Variants in DPYD observed in about 807,000 individuals in gnomAD.
The protein encoded by DPYD is dihydropyrimidine dehydrogenase, also known as dihydropyrimidine dehydrogenase [NADP(+)].
Under a neutral mutation model 116.2 loss-of-function variants are expected in DPYD, and 109 were observed. The ratio of observed to expected loss-of-function variants is 0.94; its 90% confidence interval spans 0.80 to 1.10. The LOEUF is 1.10. Ranked by LOEUF, DPYD falls within the 50% of genes least tolerant of loss-of-function variation. The probability of loss-of-function intolerance (pLI) is 0.00; values close to 1 mark genes in which losing one functional copy is unlikely to be tolerated. For missense variants in DPYD, 1,302 were observed against 1,254.5 expected, an observed-to-expected ratio of 1.04 and a Z score of -0.57; for synonymous variants, 440 against 432.0, an observed-to-expected ratio of 1.02 and a Z score of -0.23.
At chr1:97,328,693 G>T (rs1463970074) in intron 16 of DPYD, among the ~76,000 whole-genome samples, 1 of 151,988 alleles carries the variant, frequency 6.6e-6, no homozygotes, top group Non-Finnish European at 1.5e-5. Flanking sequence ...AGTTAGAAAA[G>T]ATAACAGAAC....
intron 16 of DPYD, among the ~76,000 whole-genome samples, chr1:97,347,540 C>T (rs1344136639): frequency 2.0e-5 from 3 of 151,968 alleles, no homozygotes; most frequent in Admixed American, 2.0e-4. Flanking sequence ...TGCATGTTAA[C>T]ATTTTGTTTC....
chr1:97,913,974 A>T (rs1362494608), intron 1 of DPYD, among the ~76,000 whole-genome samples: 1 of 152,066 alleles, frequency 6.6e-6, no homozygotes, highest in African/African-American at 2.4e-5. Flanking sequence ...TTATTGATGA[A>T]GAGATTTTTC....
At chr1:97,434,921 T>G (rs1259575154) in intron 14 of DPYD, among the ~76,000 whole-genome samples, 1 of 152,090 alleles carries the variant, frequency 6.6e-6, no homozygotes, top group South Asian at 2.1e-4. Context: ...ATCAGGATGA[T>G]ATTCATATCT....
intron 18 of DPYD, among the ~76,000 whole-genome samples, chr1:97,240,116 T>C (rs1424081782): frequency 2.0e-5 from 3 of 152,036 alleles, no homozygotes; most frequent in African/African-American, 7.2e-5. Flanking sequence ...AAGAGGACCA[T>C]ACATGTCCCC....
chr1:97,829,848 G>A lies in DPYD; in HGVS notation c.151-1652C>T, dbSNP rs567562547. Reference sequence around the variant, plus strand: ...TGTGCCATGTTGGCTTGCTGCACCCGTCAGCTCGTCATTTACATTAGGTAT... The same window carrying A: ...TGTGCCATGTTGGCTTGCTGCACCCATCAGCTCGTCATTTACATTAGGTAT... On this transcript the variant is annotated intron_variant, in intron 2 of 22. Coordinates refer to ENST00000370192, the MANE Select transcript of DPYD (RefSeq NM_000110.4). 2.4e-4 allele frequency among the ~76,000 whole-genome samples: 37 copies of A among 151,630 alleles called. No individual in the cohort carries two copies. The South Asian group carries it at 6.7e-3, about 27-fold the overall frequency.
At chr1:97,141,003 T>C (rs769347416) in intron 20 of DPYD, among the ~76,000 whole-genome samples, 1 of 152,178 alleles carries the variant, frequency 6.6e-6, no homozygotes, top group Non-Finnish European at 1.5e-5. Context: ...GAGTGGATCA[T>C]ACGTCTAATA....
intron 13 of DPYD, among the ~76,000 whole-genome samples, chr1:97,473,995 AAC>A (rs1405751695): frequency 6.7e-6 from 1 of 150,248 alleles, no homozygotes; most frequent in Non-Finnish European, 1.5e-5. Context: ...CTGCCTGGGC[AAC>A]AGAGTGAGAA....
intron 16 of DPYD, among the ~76,000 whole-genome samples, chr1:97,345,760 T>G (rs1222153643): frequency 6.6e-6 from 1 of 151,926 alleles, no homozygotes; most frequent in Non-Finnish European, 1.5e-5. Context: ...GTCACTTGCT[T>G]TATATGATAA....
chr1:97,546,937 G>C, intron 12 of DPYD: 2 of 1,607,330 alleles, frequency 1.2e-6, no homozygotes, highest in Non-Finnish European at 1.7e-6. Context: ...TGAGGAAGAA[G>C]AGGAGGAAGA....
In DPYD at chr1:97,282,648, A is replaced by G. The variant is rs186785771; in HGVS notation, c.2299+22611T>C. ...GTTACATGTATAAATTGCATGTTGCATGGGTTTGGTGTATAGAGAATTTTG... is the reference window on the plus strand; with the variant it reads ...GTTACATGTATAAATTGCATGTTGCGTGGGTTTGGTGTATAGAGAATTTTG... On this transcript the variant is annotated intron_variant, in intron 18 of 22. Transcript: ENST00000370192. Among the ~76,000 whole-genome samples, 10 of 152,182 alleles carry G rather than the reference A, an allele frequency of 6.6e-5. 1 individual carries two copies. In the East Asian group the frequency reaches 1.9e-3, roughly 29 times the overall value.
chr1:97,308,195 T>C (rs1570477941), intron 16 of DPYD, among the ~76,000 whole-genome samples: 1 of 151,810 alleles, frequency 6.6e-6, no homozygotes, highest in African/African-American at 2.4e-5. Flanking sequence ...CTCTTACCCA[T>C]TGCTTAATGA....
intron 5 of DPYD, among the ~76,000 whole-genome samples, chr1:97,705,256 A>G (rs1415988970): frequency 6.6e-6 from 1 of 151,934 alleles, no homozygotes; most frequent in Non-Finnish European, 1.5e-5. Context: ...AGCATTAGGT[A>G]TATCTCCTAA....
chr1:97,689,756 T>C (rs1302568953), intron 7 of DPYD, among the ~76,000 whole-genome samples: 1 of 152,080 alleles, frequency 6.6e-6, no homozygotes, highest in Non-Finnish European at 1.5e-5. Context: ...TGTCAAAATG[T>C]ACCCACTTAT....
intron 21 of DPYD, among the ~76,000 whole-genome samples, chr1:97,091,315 A>G (rs1459429562): frequency 2.0e-5 from 3 of 152,204 alleles, no homozygotes; most frequent in Non-Finnish European, 4.4e-5. Flanking sequence ...ATGGGTGGAC[A>G]GAGAAAATAT....
At chr1:97,188,836 T>C (rs1458626870) in intron 20 of DPYD, among the ~76,000 whole-genome samples, 1 of 152,202 alleles carries the variant, frequency 6.6e-6, no homozygotes, top group Non-Finnish European at 1.5e-5. Context: ...AGGCATATTT[T>C]GCCAAGTCAA....
intron 18 of DPYD, among the ~76,000 whole-genome samples, chr1:97,280,819 A>G (rs1570416279): frequency 6.6e-6 from 1 of 152,160 alleles, no homozygotes; most frequent in African/African-American, 2.4e-5. Flanking sequence ...CTGTTGTTTC[A>G]TTACACAGTA....
At chr1:97,804,210 T>G (rs968086636) in intron 3 of DPYD, among the ~76,000 whole-genome samples, 2 of 151,764 alleles carry the variant, frequency 1.3e-5, no homozygotes, top group Non-Finnish European at 3.0e-5. Context: ...GGATATAATA[T>G]TCAATTTAGA....
chr1:97,281,677 A>G (rs936429681), intron 18 of DPYD, among the ~76,000 whole-genome samples: 1 of 152,082 alleles, frequency 6.6e-6, no homozygotes, highest in African/African-American at 2.4e-5. Flanking sequence ...TCCCAGAAAA[A>G]TAAGTAAATA....
chr1:97,601,800 G>A (rs185077030), intron 8 of DPYD, among the ~76,000 whole-genome samples: 56 of 152,032 alleles, frequency 3.7e-4, no homozygotes, highest in African/African-American at 1.2e-3. Context: ...CTGTAAATGC[G>A]TTTAGTACTG....
Sources: allele counts gnomAD v4.1 joint callset (sites outside exome capture counted in the v4.1 genomes callset), GRCh38; gene constraint gnomAD v4.1.1; transcripts MANE v1.5; gene names NCBI Gene and HGNC (gene_info 2026-07-23, HGNC 2026-07-21).